Variants in CASQ2 observed in about 807,000 individuals in gnomAD.
CASQ2 encodes calsequestrin-2.
CASQ2 carries 49 observed loss-of-function variants against 46.5 expected under a neutral mutation model. That is an observed-to-expected ratio of 1.05 (90% CI 0.84 to 1.34). The LOEUF (loss-of-function observed/expected upper bound fraction) is 1.34, where lower values mean the gene tolerates loss of function less well. Ranked by LOEUF, CASQ2 falls within the 40% of genes most tolerant of loss-of-function variation. The probability of loss-of-function intolerance (pLI) is 0.00; values close to 1 mark genes in which losing one functional copy is unlikely to be tolerated. For missense variants in CASQ2, 486 were observed against 481.3 expected (o/e 1.01, Z -0.09); for synonymous variants, 174 against 168.5 (o/e 1.03, Z -0.25).
intron 7 of CASQ2, 129 bp downstream of exon 7, chr1:115,725,379 A>G: frequency 9.5e-7 from 1 of 1,052,996 alleles, no homozygotes; most frequent in Non-Finnish European, 1.5e-6. Flanking sequence ...TCCATGTTTC[A>G]AATACTCATC....
intron 4 of CASQ2, among the ~76,000 whole-genome samples, chr1:115,737,942 A>G (rs1430521951): frequency 6.6e-6 from 1 of 152,206 alleles, no homozygotes; most frequent in Non-Finnish European, 1.5e-5. Flanking sequence ...GGAGGTGGGT[A>G]GGCAGGAAAA....
rs756953096 is a variant in CASQ2 at position 115,702,944 on chromosome 1, T to A, written c.991A>T (p.Ile331Phe). Residue 331 changes from isoleucine (I) to phenylalanine (F), a missense_variant, in exon 10 of 11, where the codon ATT (isoleucine) becomes TTT (phenylalanine). Ile to Phe is a conservative substitution (Grantham distance 21, BLOSUM62 0). Coordinates refer to ENST00000261448, the MANE Select transcript of CASQ2 (RefSeq NM_001232.4). ...ACATCTGTGACATTCACCACCCCAA[T>A]CTGTGGCCTGAATAGGTCAATCTTG... ...TFKIDLFRPQ[I>F]GVVNVTDADS... The A allele has an allele frequency of 1.9e-6, 3 of 1,613,664 alleles. No homozygotes were observed. In the South Asian group the frequency reaches 3.3e-5, roughly 18 times the overall value.
rs553334187 is a variant in CASQ2, at chr1:115,735,314, C to T, written c.533-2340G>A. On this transcript the variant is annotated intron_variant, in intron 4 of 10. Coordinates refer to ENST00000261448, the MANE Select transcript of CASQ2 (RefSeq NM_001232.4). ...GGAGACCTCTCCCTGCTCTTTCATC[C>T]TAAAGTGGGTTAACTGCGCAAGAAT... Among the ~76,000 whole-genome samples the T allele has an allele frequency of 3.9e-5, 6 of 152,252 alleles. No individual in the cohort carries two copies. In the East Asian group the frequency reaches 5.8e-4, roughly 15 times the overall value.
chr1:115,714,521 G>A (rs1306948171), intron 8 of CASQ2, among the ~76,000 whole-genome samples: 1 of 152,148 alleles, frequency 6.6e-6, no homozygotes, highest in Non-Finnish European at 1.5e-5. Context: ...TTTTCCTGGA[G>A]GTATGATCTT....
At chr1:115,728,776 A>G (rs1647681141) in intron 5 of CASQ2, among the ~76,000 whole-genome samples, 1 of 152,210 alleles carries the variant, frequency 6.6e-6, no homozygotes, top group Non-Finnish European at 1.5e-5. Flanking sequence ...CAATTTGGGT[A>G]AGAAATTTGT....
intron 8 of CASQ2, among the ~76,000 whole-genome samples, chr1:115,710,114 G>A (rs548782198): frequency 2.0e-5 from 3 of 152,312 alleles, no homozygotes; most frequent in Admixed American, 6.5e-5. Flanking sequence ...AGAGTACTGG[G>A]ATTATAGGCG....
intron 10 of CASQ2, among the ~76,000 whole-genome samples, chr1:115,701,692 G>T (rs1476113801): frequency 6.6e-6 from 1 of 152,192 alleles, no homozygotes; most frequent in Non-Finnish European, 1.5e-5. Context: ...ACCACCAGTG[G>T]TTCCCTCCAG....
chr1:115,757,173 T>C (rs1359936995), intron 1 of CASQ2, among the ~76,000 whole-genome samples: 2 of 152,118 alleles, frequency 1.3e-5, no homozygotes, highest in Non-Finnish European at 2.9e-5. Flanking sequence ...AAAGGAAAAA[T>C]TTAACTGTAA....
intron 8 of CASQ2, among the ~76,000 whole-genome samples, chr1:115,714,832 T>G (rs572323261): frequency 1.4e-4 from 22 of 152,206 alleles, no homozygotes; most frequent in Non-Finnish European, 3.2e-4. Flanking sequence ...CTCACCTCAG[T>G]GCATGCTTAC....
In CASQ2 at chr1:115,701,204, T is replaced by A. The variant is rs1654190803; in HGVS notation, c.*37A>T. 1.2e-6 allele frequency: 2 copies of A among 1,613,202 alleles called. No homozygotes were observed. Among genetic ancestry groups the A allele is most frequent in the Middle Eastern group, 1.9e-4 (1 of 5,336 alleles). ...GTGCTGTCTGTATGGTAGTGGGTGC[T>A]GTGATTTTGTTTTCATCAGAATTGT... is the stretch of plus-strand genomic sequence containing the variant. On this transcript the variant is annotated 3_prime_UTR_variant, in exon 11 of 11. Coordinates refer to ENST00000261448, the MANE Select transcript of CASQ2 (RefSeq NM_001232.4).
chr1:115,701,929 AT>A (rs56927860), intron 10 of CASQ2, among the ~76,000 whole-genome samples: 8 of 148,342 alleles, frequency 5.4e-5, no homozygotes, highest in East Asian at 2.0e-4. Context: ...ATTCTTTTTT[AT>A]TTTTTTTTTG....
At chr1:115,734,575 C>T (rs780991824) in intron 4 of CASQ2, among the ~76,000 whole-genome samples, 2 of 152,186 alleles carry the variant, frequency 1.3e-5, no homozygotes, top group Non-Finnish European at 2.9e-5. Flanking sequence ...TCTGTTGGAG[C>T]TCAGGTCATC....
Position 115,700,679 on chromosome 1 carries a change from A to G in CASQ2, c.*562T>C, listed in dbSNP as rs1050714474. On this transcript the variant is annotated 3_prime_UTR_variant, in exon 11 of 11. Coordinates refer to ENST00000261448, the MANE Select transcript of CASQ2 (RefSeq NM_001232.4). The stretch of plus-strand genomic sequence containing the variant: ...GATATGAATGACCATCACTTGAAAT[A>G]AGTTTAACAAAGCCATGAGAATATG... The G allele has an allele frequency of 4.0e-6, 1 of 251,600 alleles. No homozygotes were observed. Among genetic ancestry groups the G allele is most frequent in the Non-Finnish European group, 7.6e-6 (1 of 131,526 alleles). The allele number at this position is 251,600 out of a possible 1,614,324, so 15.6% of individuals were successfully genotyped here. A position where few individuals can be genotyped will look rare whatever the true frequency, so the allele number is the denominator to read the frequency against.
intron 8 of CASQ2, among the ~76,000 whole-genome samples, chr1:115,707,479 G>A (rs1654399325): frequency 6.6e-6 from 1 of 152,126 alleles, no homozygotes; most frequent in South Asian, 2.1e-4. Flanking sequence ...TCATTTATCT[G>A]TCATTGCAGG....
chr1:115,738,403 G>A lies in CASQ2; in HGVS notation c.421-68C>T, dbSNP rs557770691. On this transcript the variant is annotated intron_variant, in intron 3 of 10. Coordinates refer to ENST00000261448, the MANE Select transcript of CASQ2 (RefSeq NM_001232.4). ...TTTCCTTCTTCACTGGGGAAACAGA[G>A]TGCATTGGAGGGAAGTTGTAGCGGA... is the stretch of plus-strand genomic sequence containing the variant. 4.4e-5 allele frequency: 44 copies of A among 1,006,780 alleles called. No homozygotes were observed. In the South Asian group the frequency reaches 5.5e-4, roughly 13 times the overall value. 62.4% of individuals were successfully genotyped at this position (1,006,780 alleles called of 1,614,324 possible). A position where few individuals can be genotyped will look rare whatever the true frequency, so the allele number is the denominator to read the frequency against.
intron 8 of CASQ2, among the ~76,000 whole-genome samples, chr1:115,708,761 A>T (rs969685709): frequency 6.6e-6 from 1 of 152,196 alleles, no homozygotes; most frequent in Non-Finnish European, 1.5e-5. Flanking sequence ...TCCTCTGCTC[A>T]TTTACCACAT....
chr1:115,733,449 T>C (rs1647859119), intron 4 of CASQ2, among the ~76,000 whole-genome samples: 1 of 152,220 alleles, frequency 6.6e-6, no homozygotes, highest in Admixed American at 6.5e-5. Flanking sequence ...ATTTTAAACT[T>C]CTTCATGGAA....
chr1:115,727,077 C>T lies in CASQ2; in HGVS notation c.652G>A (p.Glu218Lys), dbSNP rs1557792917. The T allele has an allele frequency of 1.2e-6, 2 of 1,613,194 alleles. No homozygotes were observed. The highest frequency in any genetic ancestry group is 1.7e-6 in the Non-Finnish European group (2 of 1,179,216). Residue 218 changes from glutamate (E) to lysine (K), a missense_variant, in exon 6 of 11, where the codon GAG (glutamate) becomes AAG (lysine). Glu to Lys is a moderately conservative substitution (Grantham distance 56). Transcript: ENST00000261448. ...GCAATGGGCTCATCCATAAATGGCTCATAGAAGTCAACCTCATTCATCTTC... is the reference window on the plus strand; with the variant it reads ...GCAATGGGCTCATCCATAAATGGCTTATAGAAGTCAACCTCATTCATCTTC... Reference protein sequence around the residue: ...SLKMNEVDFYEPFMDEPIAIP... With the variant: ...SLKMNEVDFYKPFMDEPIAIP...
rs528644565 is a variant in CASQ2 at position 115,746,682 on chromosome 1, T to C, written c.235-1770A>G. Among the ~76,000 whole-genome samples, 5 of 152,352 alleles carry C rather than the reference T, an allele frequency of 3.3e-5. No homozygotes were observed. The East Asian group carries it at 7.7e-4, about 23-fold the overall frequency. ...TTGCTCATTTTTCAACTGGATTGCT[T>C]TTTGGCTGTTGAATTTTGAGAGTTT... On this transcript the variant is annotated intron_variant, in intron 1 of 10. Transcript: ENST00000261448.
Sources: gnomAD v4.1 joint callset for allele counts (sites outside exome capture counted in the v4.1 genomes callset) on GRCh38, gnomAD v4.1.1 for gene constraint, MANE v1.5 for transcripts, NCBI Gene and HGNC (gene_info 2026-07-23, HGNC 2026-07-21) for gene names.